Variants in CUBN observed in about 807,000 individuals in gnomAD.
The protein encoded by CUBN is cubilin, also known as 460 kDa receptor.
In CUBN, 282 loss-of-function variants were observed where a neutral mutation model predicts 405.3. The observed-to-expected ratio is 0.70, with a 90% CI of 0.63 to 0.77. The LOEUF (loss-of-function observed/expected upper bound fraction) is 0.77. CUBN is among the 30% of genes least tolerant of loss of function. CUBN has a pLI of 0.00. For synonymous variants in CUBN, 1,684 were observed against 1,617.0 expected (o/e 1.04, Z -0.99); for missense variants, 4,514 against 4,475.2 (o/e 1.01, Z -0.25).
intron 9 of CUBN, 95 bp from the exon 10 acceptor site, chr10:17,109,830 C>T (rs1836729063): frequency 2.7e-5 from 25 of 921,990 alleles, no homozygotes; most frequent in Non-Finnish European, 4.5e-5. Context: ...ATGGACCAAT[C>T]AGGGATCCTC....
chr10:16,891,861 G>T (rs1432840544), intron 54 of CUBN, among the ~76,000 whole-genome samples: 1 of 152,012 alleles, frequency 6.6e-6, no homozygotes, highest in Non-Finnish European at 1.5e-5. Context: ...GTATCTAGTG[G>T]GTAGGGGCCA....
intron 27 of CUBN, among the ~76,000 whole-genome samples, chr10:17,027,450 C>G (rs934151717): frequency 2.6e-5 from 4 of 152,058 alleles, no homozygotes; most frequent in African/African-American, 9.7e-5. Flanking sequence ...ATACAAGGAG[C>G]GATGACAGGA....
intron 56 of CUBN, among the ~76,000 whole-genome samples, chr10:16,881,621 A>T (rs1840667561): frequency 6.6e-6 from 1 of 152,196 alleles, no homozygotes; most frequent in Admixed American, 6.5e-5. Context: ...AAAATGTAGA[A>T]ATTATAATAT....
At chr10:17,125,282 A>G (rs1002805454) in intron 4 of CUBN, among the ~76,000 whole-genome samples, 1 of 152,122 alleles carries the variant, frequency 6.6e-6, no homozygotes, top group Non-Finnish European at 1.5e-5. Context: ...TACTATATAC[A>G]GTGACTCATA....
intron 28 of CUBN, among the ~76,000 whole-genome samples, chr10:16,999,333 T>C (rs889757409): frequency 2.0e-5 from 3 of 152,228 alleles, no homozygotes; most frequent in African/African-American, 7.2e-5. Context: ...ATTTCCTGTA[T>C]ACAAAAGGAT....
rs1841558027 is a variant in CUBN, at chr10:16,906,372, G to A, written c.7743C>T (p.Asn2581=). ...GGSLPNTPEG[N]FTSPGYDGVR... ...CTCCGTCATAGCCAGGAGAAGTAAA[G>A]TTTCCTTCAGGAGTATTTGGAAGAG... is the stretch of plus-strand genomic sequence containing the variant. Residue 2581 remains asparagine (N), a synonymous_variant, in exon 50 of 67, where the codon AAC becomes AAT. Transcript: ENST00000377833. 1 of 1,613,874 alleles carries A rather than the reference G, an allele frequency of 6.2e-7. No homozygotes were observed. Among genetic ancestry groups the A allele is most frequent in the Non-Finnish European group, 8.5e-7 (1 of 1,179,896 alleles).
At chr10:16,974,661 G>A (rs377010506) in intron 31 of CUBN, among the ~76,000 whole-genome samples, 6 of 152,112 alleles carry the variant, frequency 3.9e-5, no homozygotes, top group African/African-American at 1.4e-4. Flanking sequence ...GTGAGCCACC[G>A]CGCCCGGCCT....
At chr10:16,863,230 A>T (rs1406046193) in intron 59 of CUBN, among the ~76,000 whole-genome samples, 1 of 152,244 alleles carries the variant, frequency 6.6e-6, no homozygotes, top group Non-Finnish European at 1.5e-5. Context: ...ATCATCCCCC[A>T]AGGGAAGTCT....
At chr10:17,055,977 C>T (rs11254348) in intron 22 of CUBN, among the ~76,000 whole-genome samples, 6,456 of 152,006 alleles carry the variant, frequency 0.042, 467 homozygotes, top group African/African-American at 0.15. Context: ...AAAATAAGTA[C>T]CAATCTAGAG....
intron 31 of CUBN, among the ~76,000 whole-genome samples, chr10:16,974,606 C>A (rs191222590): frequency 0.028 from 4,329 of 152,144 alleles, 169 homozygotes; most frequent in East Asian, 0.18. Flanking sequence ...CTCCTGACCT[C>A]GTGATCCCCC....
chr10:16,975,673 C>CAGGCTG (rs1833071647), intron 31 of CUBN, among the ~76,000 whole-genome samples: 1 of 143,386 alleles, frequency 7.0e-6, no homozygotes, highest in Admixed American at 7.4e-5. Flanking sequence ...GCTGTGTCGC[C>CAGGCTG]AGGCTGGAGT....
intron 28 of CUBN, 87 bp downstream of exon 28, chr10:17,019,746 T>G (rs966567171): frequency 2.9e-5 from 43 of 1,485,262 alleles, no homozygotes; most frequent in Non-Finnish European, 3.7e-5. Flanking sequence ...TTGTTCATGG[T>G]ATTGTTTCTA....
chr10:17,067,767 T>G (rs1388134283), intron 21 of CUBN, among the ~76,000 whole-genome samples: 1 of 152,142 alleles, frequency 6.6e-6, no homozygotes, highest in African/African-American at 2.4e-5. Flanking sequence ...TGTGGTTTCC[T>G]GTGGGTGGGG....
At chr10:16,880,400 T>A (rs1212593947) in intron 56 of CUBN, among the ~76,000 whole-genome samples, 1 of 152,144 alleles carries the variant, frequency 6.6e-6, no homozygotes, top group Admixed American at 6.5e-5. Context: ...CCAAAGATAC[T>A]AAACTTAAAA....
At chr10:17,075,262 T>C (rs1835834128) in intron 17 of CUBN, among the ~76,000 whole-genome samples, 1 of 151,802 alleles carries the variant, frequency 6.6e-6, no homozygotes, top group African/African-American at 2.4e-5. Context: ...TTTTGTATTT[T>C]TAGTAGAGAT....
intron 28 of CUBN, among the ~76,000 whole-genome samples, chr10:17,015,470 A>G (rs1197167224): frequency 6.6e-6 from 1 of 152,228 alleles, no homozygotes; most frequent in Non-Finnish European, 1.5e-5. Context: ...AGGAGGTAGG[A>G]GAAATACCTG....
intron 25 of CUBN, 66 bp from the exon 26 acceptor site, chr10:17,044,049 CAGA>C: frequency 7.9e-7 from 1 of 1,262,554 alleles, no homozygotes. Flanking sequence ...GACTATAATC[CAGA>C]AGAAGTGAGG....
chr10:16,972,604 A>C (rs545876900), intron 31 of CUBN, among the ~76,000 whole-genome samples: 36 of 152,034 alleles, frequency 2.4e-4, no homozygotes, highest in African/African-American at 7.5e-4. Flanking sequence ...GGCCAGGCTA[A>C]TTTTTTAATT....
At chr10:17,127,797 A>G (rs759561859) in intron 3 of CUBN, 32 bp downstream of exon 3, 3 of 1,506,550 alleles carry the variant, frequency 2.0e-6, no homozygotes, top group Non-Finnish European at 9.2e-7. Flanking sequence ...GGGAGAACTC[A>G]TCGGTTCTTA....
Sources: gnomAD v4.1 joint callset for allele counts (sites outside exome capture counted in the v4.1 genomes callset) on GRCh38, gnomAD v4.1.1 for gene constraint, MANE v1.5 for transcripts, NCBI Gene and HGNC (gene_info 2026-07-23, HGNC 2026-07-21) for gene names.